Variants in SPATA6 observed in about 807,000 individuals in gnomAD.
The protein encoded by SPATA6 is spermatogenesis associated 6.
Under a neutral mutation model 65.3 loss-of-function variants are expected in SPATA6, and 56 were observed. The observed-to-expected ratio is 0.86, with a 90% CI of 0.69 to 1.07. The LOEUF (loss-of-function observed/expected upper bound fraction) is 1.07. SPATA6 is among the 50% of genes least tolerant of loss of function. The probability of loss-of-function intolerance (pLI) is 0.00; values close to 1 mark genes in which losing one functional copy is unlikely to be tolerated. For missense variants in SPATA6, 590 were observed against 594.8 expected (o/e 0.99, Z 0.08); for synonymous variants, 199 against 213.2 (o/e 0.93, Z 0.58).
intron 3 of SPATA6, among the ~76,000 whole-genome samples, chr1:48,435,764 C>T (rs530535392): frequency 8.0e-4 from 122 of 152,282 alleles, no homozygotes; most frequent in South Asian, 3.1e-3. Context: ...GCACCGGGAG[C>T]GGGCCTAGAG....
chr1:48,419,947 C>G lies in SPATA6; in HGVS notation c.239-6796G>C, dbSNP rs564683583. ...TGATACTATGAAATATATATTTGGT[C>G]TTCATCCCCCTCCAAAGGACTGTCT... On this transcript the variant is annotated intron_variant, in intron 3 of 12. Coordinates refer to ENST00000371847, the MANE Select transcript of SPATA6 (RefSeq NM_019073.4). 5.9e-5 allele frequency among the ~76,000 whole-genome samples: 9 copies of G among 152,198 alleles called. No homozygotes were observed. The South Asian group carries it at 1.7e-3, about 28-fold the overall frequency.
chr1:48,290,869 G>A (rs982861619), downstream of SPATA6, among the ~76,000 whole-genome samples: 2 of 152,122 alleles, frequency 1.3e-5, no homozygotes, highest in African/African-American at 4.8e-5. Context: ...GACCTACAAA[G>A]AGACTTAGAC....
intron 3 of SPATA6, among the ~76,000 whole-genome samples, chr1:48,427,527 C>T (rs1330399996): frequency 6.6e-6 from 1 of 150,396 alleles, no homozygotes; most frequent in African/African-American, 2.4e-5. Context: ...TATAATAAGA[C>T]TTATAGAATA....
chr1:48,417,418 T>C (rs1385305943), intron 3 of SPATA6, among the ~76,000 whole-genome samples: 1 of 152,052 alleles, frequency 6.6e-6, no homozygotes, highest in Non-Finnish European at 1.5e-5. Context: ...ATTAAAGAAG[T>C]TGAAAATTAA....
At chr1:48,316,822 A>C (rs1645439924) in intron 11 of SPATA6, among the ~76,000 whole-genome samples, 1 of 152,236 alleles carries the variant, frequency 6.6e-6, no homozygotes, top group Non-Finnish European at 1.5e-5. Flanking sequence ...CAATGAACTA[A>C]AACAAATTTA....
intron 11 of SPATA6, among the ~76,000 whole-genome samples, chr1:48,317,228 CAT>C (rs1491394008): frequency 1.3e-5 from 2 of 152,168 alleles, no homozygotes; most frequent in Non-Finnish European, 2.9e-5. Flanking sequence ...CACATGCACA[CAT>C]ATGTTTATCG....
At chr1:48,322,522 G>A (rs1472235450) in intron 11 of SPATA6, among the ~76,000 whole-genome samples, 1 of 152,112 alleles carries the variant, frequency 6.6e-6, no homozygotes, top group Admixed American at 6.5e-5. Flanking sequence ...AAGTCTTCAT[G>A]ACTAAAACCC....
intron 11 of SPATA6, among the ~76,000 whole-genome samples, chr1:48,329,726 CAGAG>C (rs1368674831): frequency 6.6e-6 from 1 of 152,182 alleles, no homozygotes; most frequent in South Asian, 2.1e-4. Flanking sequence ...CAGAGGAACA[CAGAG>C]AGCACAAAGG....
chr1:48,349,556 G>A (rs1011986943), intron 11 of SPATA6, among the ~76,000 whole-genome samples: 15 of 151,918 alleles, frequency 9.9e-5, no homozygotes, highest in Non-Finnish European at 1.9e-4. Flanking sequence ...ATATCTATGA[G>A]TTTTGACAAA....
intron 12 of SPATA6, 51 bp from the exon 13 acceptor site, chr1:48,298,944 G>A: frequency 6.4e-7 from 1 of 1,551,888 alleles, no homozygotes; most frequent in African/African-American, 1.4e-5. Context: ...CAAAATTAGA[G>A]ATAGTACTAT....
chr1:48,396,946 A>G (rs1452035242), intron 7 of SPATA6, among the ~76,000 whole-genome samples: 1 of 151,722 alleles, frequency 6.6e-6, no homozygotes, highest in East Asian at 1.9e-4. Flanking sequence ...CCACAATTTA[A>G]AAAAACAAAT....
intron 11 of SPATA6, among the ~76,000 whole-genome samples, chr1:48,310,931 G>T (rs746249149): frequency 2.6e-5 from 4 of 152,020 alleles, no homozygotes; most frequent in Non-Finnish European, 4.4e-5. Context: ...GAAAATTTGG[G>T]TAATTAATAA....
At chr1:48,319,886 A>T (rs1322624672) in intron 11 of SPATA6, among the ~76,000 whole-genome samples, 4 of 152,124 alleles carry the variant, frequency 2.6e-5, no homozygotes, top group Non-Finnish European at 4.4e-5. Context: ...TGCCCCAAAG[A>T]CAGATACCAC....
chr1:48,452,899 T>A, intron 2 of SPATA6, 95 bp downstream of exon 2: 1 of 1,389,590 alleles, frequency 7.2e-7, no homozygotes, highest in Non-Finnish European at 9.6e-7. Context: ...AAGCACACAG[T>A]CAGCAGTAAT....
Position 48,398,637 on chromosome 1 carries a change from T to A in SPATA6, c.780+714A>T, listed in dbSNP as rs565507673. Among the ~76,000 whole-genome samples, 330 of 151,924 alleles carry A rather than the reference T, an allele frequency of 2.2e-3. 3 individuals are homozygous for A. Among genetic ancestry groups the A allele is most frequent in the African/African-American group, 7.6e-3 (317 of 41,532 alleles). On this transcript the variant is annotated intron_variant, in intron 7 of 12. Transcript: ENST00000371847. ...AGTCTGAAAGCTTTCAGTAAAGAATTGCTTTTAAGGTAAAAATACTTCATA... is the reference window on the plus strand; with the variant it reads ...AGTCTGAAAGCTTTCAGTAAAGAATAGCTTTTAAGGTAAAAATACTTCATA...
chr1:48,326,387 T>C (rs1317226972), intron 11 of SPATA6, among the ~76,000 whole-genome samples: 2 of 152,156 alleles, frequency 1.3e-5, no homozygotes, highest in Non-Finnish European at 1.5e-5. Context: ...CCCATGCTCA[T>C]GGTGCATTAG....
chr1:48,326,447 A>G (rs190301204), intron 11 of SPATA6, among the ~76,000 whole-genome samples: 67 of 152,194 alleles, frequency 4.4e-4, no homozygotes, highest in African/African-American at 1.6e-3. Flanking sequence ...CTACAGATTC[A>G]ACACAATTCC....
At chr1:48,280,554 C>A in the SPATA6 span, among the ~76,000 whole-genome samples, 1 of 152,138 alleles carries the variant, frequency 6.6e-6, no homozygotes, top group Non-Finnish European at 1.5e-5. Context: ...ACTACAAACA[C>A]CTCTACACAA....
At chr1:48,439,440 A>G (rs1655253436) in intron 3 of SPATA6, among the ~76,000 whole-genome samples, 1 of 151,872 alleles carries the variant, frequency 6.6e-6, no homozygotes, top group African/African-American at 2.4e-5. Context: ...TATTCCGATC[A>G]GCAGGGTCCA....
Sources: allele counts gnomAD v4.1 joint callset (sites outside exome capture counted in the v4.1 genomes callset), GRCh38; gene constraint gnomAD v4.1.1; transcripts MANE v1.5; gene names NCBI Gene and HGNC (gene_info 2026-07-23, HGNC 2026-07-21).